CFAP43: variants seen among roughly 807,000 people sequenced by gnomAD.
CFAP43 encodes cilia- and flagella-associated protein 43.
CFAP43 carries 155 observed loss-of-function variants against 218.9 expected under a neutral mutation model. The observed-to-expected ratio is 0.71, with a 90% CI of 0.62 to 0.81. CFAP43 has a LOEUF of 0.81. CFAP43 is among the 30% of genes least tolerant of loss of function. The pLI is 0.00. For missense variants in CFAP43, 1,778 were observed against 1,954.3 expected, an observed-to-expected ratio of 0.91 and a Z score of 1.70; for synonymous variants, 645 against 681.3, an observed-to-expected ratio of 0.95 and a Z score of 0.83.
At chr10:104,188,517 T>G in intron 12 of CFAP43, 107 bp from the exon 13 acceptor site, 1 of 1,373,994 alleles carries the variant, frequency 7.3e-7, no homozygotes, top group South Asian at 1.5e-5. Context: ...CACTATATCT[T>G]TAGAATCAAA....
intron 34 of CFAP43, among the ~76,000 whole-genome samples, chr10:104,134,803 A>G (rs1441492890): frequency 6.6e-6 from 1 of 152,210 alleles, no homozygotes; most frequent in Non-Finnish European, 1.5e-5. Flanking sequence ...TCAAACATTT[A>G]AAGAAAAATT....
intron 34 of CFAP43, among the ~76,000 whole-genome samples, chr10:104,134,827 T>C (rs1417024080): frequency 6.6e-6 from 1 of 152,096 alleles, no homozygotes; most frequent in Non-Finnish European, 1.5e-5. Context: ...CCAATACTAC[T>C]CAAATGTTTC....
At chr10:104,193,737 T>C in intron 11 of CFAP43, 129 bp downstream of exon 11, 3 of 1,272,400 alleles carry the variant, frequency 2.4e-6, no homozygotes, top group Middle Eastern at 2.7e-4. Context: ...TGTTGAACTG[T>C]GTGAATATAT....
chr10:104,132,605 AC>A (rs1458627311), intron 35 of CFAP43: 1 of 981,204 alleles, frequency 1.0e-6, no homozygotes, highest in Non-Finnish European at 1.2e-6. Context: ...AAAGAGCAAA[AC>A]CCCATCTCAA....
chr10:104,220,737 A>T (rs1341961113), intron 3 of CFAP43, among the ~76,000 whole-genome samples: 2 of 152,220 alleles, frequency 1.3e-5, no homozygotes, highest in Non-Finnish European at 2.9e-5. Flanking sequence ...CTTTGTTGTC[A>T]TAATACATAC....
intron 28 of CFAP43, among the ~76,000 whole-genome samples, chr10:104,149,522 ATCC>A (rs2088144850): frequency 1.3e-5 from 2 of 152,238 alleles, no homozygotes; most frequent in Admixed American, 6.5e-5. Context: ...ATTTGTTTTC[ATCC>A]TCTGAAAGTG....
chr10:104,203,746 G>A lies in CFAP43; in HGVS notation c.1021C>T (p.Leu341Phe). The A allele has an allele frequency of 6.2e-7, 1 of 1,610,572 alleles. No homozygotes were observed. The highest frequency in any genetic ancestry group is 1.1e-5 in the South Asian group (1 of 90,070). Residue 341 changes from leucine to phenylalanine, a missense_variant, in exon 8 of 38, where the codon CTT (leucine) becomes TTT (phenylalanine). By Grantham distance (22) the Leu-to-Phe change is conservative. This residue lies in a region of CFAP43 where 1,553 missense variants were observed against 1,685.2 expected (regional missense o/e 0.92). Transcript: ENST00000357060. ...TGTTCTACAGGTCTTTCAATCTCAA[G>A]AAAATCCTCGATCATGTAACTTCTA... ...KDRSYMIEDF[L>F]EIERPVEHMT...
rs894045492 is a variant in CFAP43, at chr10:104,230,761, A to G, written c.148T>C (p.Phe50Leu). ...ICYPCGNYVI[F>L]INIETKKKTV... ...TTTTTCTTGGTTTCAATATTAATAA[A>G]TATTACATAATTCCCACAAGGGTAG... is the stretch of plus-strand genomic sequence containing the variant. The change falls in exon 2 of 38, where the codon TTT becomes CTT. Residue 50 changes from phenylalanine to leucine, a missense_variant. By Grantham distance (22) the Phe-to-Leu change is conservative. Around this residue, in one of 3 missense-constraint regions of CFAP43, gnomAD observed 1,553 missense variants for 1,685.2 expected, o/e 0.92. Transcript: ENST00000357060. 1 of 1,613,996 alleles carries G rather than the reference A, an allele frequency of 6.2e-7. No individual in the cohort carries two copies. Among genetic ancestry groups the G allele is most frequent in the Admixed American group, 1.7e-5 (1 of 60,012 alleles).
intron 19 of CFAP43, among the ~76,000 whole-genome samples, chr10:104,176,902 T>C (rs1462383906): frequency 6.6e-6 from 1 of 151,988 alleles, no homozygotes; most frequent in African/African-American, 2.4e-5. Context: ...CATAAATACA[T>C]ATAAATAAAA....
Position 104,153,789 on chromosome 10 carries a change from C to G in CFAP43, c.3541-1063G>C, listed in dbSNP as rs190042873. 2.0e-5 allele frequency among the ~76,000 whole-genome samples: 3 copies of G among 152,104 alleles called. No homozygotes were observed. In the East Asian group the frequency reaches 5.8e-4, roughly 29 times the overall value. ...CTCTCTCTCTCTCTCTCTCTTCTCT[C>G]TCTCTCCCACCCCCTGCCCCTCTGC... On this transcript the variant is annotated intron_variant, in intron 27 of 37. Transcript: ENST00000357060.
At chr10:104,164,351 G>A (rs771511271) in intron 23 of CFAP43, 51 bp from the exon 24 acceptor site, 2 of 1,334,846 alleles carry the variant, frequency 1.5e-6, no homozygotes, top group Non-Finnish European at 1.0e-6. Context: ...TATCTTTACT[G>A]GTAACATGAT....
intron 10 of CFAP43, among the ~76,000 whole-genome samples, chr10:104,195,333 T>C (rs980606556): frequency 4.6e-5 from 7 of 152,118 alleles, no homozygotes; most frequent in Non-Finnish European, 1.0e-4. Flanking sequence ...CCTGGGTGGG[T>C]TGTTAAACGT....
intron 10 of CFAP43, among the ~76,000 whole-genome samples, chr10:104,196,205 A>G (rs1031184273): frequency 6.6e-6 from 1 of 152,210 alleles, no homozygotes; most frequent in African/African-American, 2.4e-5. Context: ...TCCTTGGTAT[A>G]TCATTTAAAC....
intron 23 of CFAP43, 117 bp downstream of exon 23, chr10:104,166,371 C>T (rs555096778): frequency 4.0e-6 from 3 of 756,958 alleles, no homozygotes; most frequent in Admixed American, 2.8e-5. Flanking sequence ...TGTGCCCAGC[C>T]TCCTCTATGT....
chr10:104,231,654 T>C (rs951998911), intron 1 of CFAP43, among the ~76,000 whole-genome samples: 16 of 152,088 alleles, frequency 1.1e-4, no homozygotes, highest in African/African-American at 3.6e-4. Flanking sequence ...CTCTAGAATG[T>C]AGGGGAAAAA....
At chr10:104,225,052 A>T (rs1252780989) in intron 3 of CFAP43, among the ~76,000 whole-genome samples, 10 of 152,206 alleles carry the variant, frequency 6.6e-5, no homozygotes, top group Admixed American at 6.5e-4. Context: ...CTCTCTGAAC[A>T]TATAATTGTT....
At chr10:104,171,900 T>C (rs572612422) in intron 20 of CFAP43, among the ~76,000 whole-genome samples, 2 of 152,270 alleles carry the variant, frequency 1.3e-5, no homozygotes, top group Non-Finnish European at 2.9e-5. Flanking sequence ...GACGAGGCTA[T>C]TGAAACTATA....
At chr10:104,134,231 A>G (rs1403739183) in intron 34 of CFAP43, among the ~76,000 whole-genome samples, 1 of 151,996 alleles carries the variant, frequency 6.6e-6, no homozygotes, top group African/African-American at 2.4e-5. Context: ...GACCTCAACT[A>G]TACGGAAAAT....
intron 1 of CFAP43, among the ~76,000 whole-genome samples, 164 bp downstream of exon 1, chr10:104,232,006 GACAGGGGAGGTC>G (rs1248018238): frequency 2.0e-5 from 3 of 151,732 alleles, no homozygotes; most frequent in Non-Finnish European, 4.4e-5. Flanking sequence ...ATGGGGAGCG[GACAGGGGAGGTC>G]ACACGGGGAG....
Sources: allele counts gnomAD v4.1 joint callset (sites outside exome capture counted in the v4.1 genomes callset), GRCh38; gene constraint gnomAD v4.1.1; regional missense constraint gnomAD v4.1.1; transcripts MANE v1.5; gene names NCBI Gene and HGNC (gene_info 2026-07-23, HGNC 2026-07-21).